FBXW5: variants seen among roughly 807,000 people sequenced by gnomAD.
The protein encoded by FBXW5 is F-box and WD repeat domain containing 5.
In FBXW5, 74 loss-of-function variants were observed where a neutral mutation model predicts 50.9. That is an observed-to-expected ratio of 1.45 (90% CI 1.20 to 1.76). The LOEUF (loss-of-function observed/expected upper bound fraction) is 1.76, where lower values mean the gene tolerates loss of function less well. Ranked by LOEUF, FBXW5 falls within the 40% of genes most tolerant of loss-of-function variation. The probability of loss-of-function intolerance (pLI) is 0.00; values close to 1 mark genes in which losing one functional copy is unlikely to be tolerated. For synonymous variants in FBXW5, 523 were observed against 362.2 expected (o/e 1.44, Z -5.04); for missense variants, 1,073 against 818.8 (o/e 1.31, Z -3.79).
rs989803851 is a variant in FBXW5, at chr9:136,944,515, C to A, written c.-24+79G>T. The stretch of plus-strand genomic sequence containing the variant: ...CGGACGGCGGGGACGAGCGCACGGG[C>A]GGCCTCGGGGCTCCTGCACTCGCCC... On this transcript the variant is annotated intron_variant, in intron 1 of 8. Coordinates refer to ENST00000325285, the MANE Select transcript of FBXW5 (RefSeq NM_018998.4). The A allele has an allele frequency of 8.1e-6, 8 of 984,254 alleles. No individual in the cohort carries two copies. The African/African-American group carries it at 8.8e-5, about 11-fold the overall frequency. 61.0% of individuals were successfully genotyped at this position (984,254 alleles called of 1,614,324 possible).
In FBXW5 at chr9:136,944,060, C is replaced by T. The variant is rs372554571; in HGVS notation, c.24G>A (p.Leu8=). 1.1e-5 allele frequency: 18 copies of T among 1,600,648 alleles called. No individual in the cohort carries two copies. Among genetic ancestry groups the T allele is most frequent in the South Asian group, 9.0e-5 (8 of 89,084 alleles). The change falls in exon 2 of 9, where the codon CTG becomes CTA. Residue 8 remains leucine (L), a synonymous_variant. Coordinates refer to ENST00000325285, the MANE Select transcript of FBXW5 (RefSeq NM_018998.4). MDEGGTP[L]LPDSLVYQIF... ...TCTGGTAGACCAGGCTGTCGGGGAG[C>T]AGGGGCGTGCCGCCCTCGTCCATCG...
chr9:136,942,205 G>T lies in FBXW5; in HGVS notation c.937C>A (p.Arg313=). 1 of 1,593,152 alleles carries T rather than the reference G, an allele frequency of 6.3e-7. No individual in the cohort carries two copies. The highest frequency in any genetic ancestry group is 1.1e-5 in the South Asian group (1 of 88,704). Reference sequence around the variant, plus strand: ...CGCTCCGACAGCTGTGGCTGCGCCCGCCCCTCCAGCACGCGGTCCAGAAAG... The same window carrying T: ...CGCTCCGACAGCTGTGGCTGCGCCCTCCCCTCCAGCACGCGGTCCAGAAAG... ...RHFLDRVLEG[R]AQPQLSERML... The change falls in exon 6 of 9, where the codon CGG becomes AGG. Residue 313 remains arginine (R), a synonymous_variant. Transcript: ENST00000325285.
Position 136,944,270 on chromosome 9 carries a change from G to A in FBXW5, c.-23-164C>T, listed in dbSNP as rs955806026. ...GCCCAACCAAGGACCCGGCAGCTCCGGGCGGGCCGGGCCGGCCCCTCTCCG... is the reference window on the plus strand; with the variant it reads ...GCCCAACCAAGGACCCGGCAGCTCCAGGCGGGCCGGGCCGGCCCCTCTCCG... On this transcript the variant is annotated intron_variant, in intron 1 of 8. Coordinates refer to ENST00000325285, the MANE Select transcript of FBXW5 (RefSeq NM_018998.4). 1.5e-5 allele frequency: 12 copies of A among 807,272 alleles called. No individual in the cohort carries two copies. In the East Asian group the frequency reaches 2.7e-4, roughly 18 times the overall value. The allele number at this position is 807,272 out of a possible 1,614,324, so 50.0% of individuals were successfully genotyped here.
chr9:136,941,943 A>C, intron 6 of FBXW5, 103 bp downstream of exon 6: 2 of 1,456,564 alleles, frequency 1.4e-6, no homozygotes, highest in Non-Finnish European at 9.1e-7. Flanking sequence ...GAACGATCCC[A>C]GCTTTGCCTG....
At position 136,942,294 on chromosome 9, in the gene FBXW5, C is replaced by G. The variant is rs1850806716; in HGVS notation, c.848G>C (p.Gly283Ala). Reference protein sequence around the residue: ...ATSPCRIFDLGSDNEEVVAGP... With the variant: ...ATSPCRIFDLASDNEEVVAGP... ...AGCCACCACCTCCTCGTTGTCGCTG[C>G]CCAGGTCAAAGATGCGGCAGGGGGA... The change falls in exon 6 of 9, where the codon GGC becomes GCC. Residue 283 changes from glycine to alanine, a missense_variant. Coordinates refer to ENST00000325285, the MANE Select transcript of FBXW5 (RefSeq NM_018998.4). The G allele has an allele frequency of 6.3e-7, 1 of 1,592,740 alleles. No homozygotes were observed. Among genetic ancestry groups the G allele is most frequent in the East Asian group, 2.3e-5 (1 of 43,832 alleles).
intron 2 of FBXW5, among the ~76,000 whole-genome samples, 179 bp from the exon 3 acceptor site, chr9:136,943,685 A>AC (rs1180318943): frequency 2.0e-5 from 3 of 151,484 alleles, no homozygotes; most frequent in Non-Finnish European, 2.9e-5. Context: ...TGTACCCCCC[A>AC]CCCCCCAAGT....
chr9:136,944,597 G>GGCCGCCTCCGCCCGCTGC lies in FBXW5; in HGVS notation c.-45_-28dup, dbSNP rs1193570613. The GGCCGCCTCCGCCCGCTGC allele has an allele frequency of 3.7e-5, 36 of 984,318 alleles. No homozygotes were observed. In the Admixed American group the frequency reaches 5.0e-4, roughly 14 times the overall value. The allele number at this position is 984,318 out of a possible 1,614,324, so 61.0% of individuals were successfully genotyped here. On this transcript the variant is annotated 5_prime_UTR_variant, in exon 1 of 9. Coordinates refer to ENST00000325285, the MANE Select transcript of FBXW5 (RefSeq NM_018998.4). Reference sequence around the variant, plus strand: ...CGAGGGCCGCAGGCGCACTCACCACGGCCGCCTCCGCCCGCTGCGCCGCCC... The same window carrying GGCCGCCTCCGCCCGCTGC: ...CGAGGGCCGCAGGCGCACTCACCACGGCCGCCTCCGCCCGCTGCGCCGCCTCCGCCCGCTGCGCCGCCC...
In FBXW5 at chr9:136,941,426, C is replaced by T. The variant is rs755697963; in HGVS notation, c.1282G>A (p.Ala428Thr). ...YVNSRAWPNG[A>T]VVADPMQPPP... ...GGCTGCATGGGGTCGGCCACCACCG[C>T]ACCGTTGGGCCAGGCGCGGCTGTTC... Residue 428 changes from alanine (A) to threonine (T), a missense_variant, in exon 8 of 9, where the codon GCG becomes ACG. Coordinates refer to ENST00000325285, the MANE Select transcript of FBXW5 (RefSeq NM_018998.4). 1.7e-5 allele frequency: 27 copies of T among 1,609,462 alleles called. No individual in the cohort carries two copies. The highest frequency in any genetic ancestry group is 2.2e-5 in the South Asian group (2 of 91,082).
At position 136,944,044 on chromosome 9, in the gene FBXW5, C is replaced by G. The variant is rs1447103823; in HGVS notation, c.40G>C (p.Val14Leu). The G allele has an allele frequency of 1.2e-6, 2 of 1,604,286 alleles. No homozygotes were observed. The highest frequency in any genetic ancestry group is 1.7e-6 in the Non-Finnish European group (2 of 1,176,262). ...CCCAGGCTCAGGAAGATCTGGTAGACCAGGCTGTCGGGGAGCAGGGGCGTG... is the reference window on the plus strand; with the variant it reads ...CCCAGGCTCAGGAAGATCTGGTAGAGCAGGCTGTCGGGGAGCAGGGGCGTG... ...GGTPLLPDSL[V>L]YQIFLSLGPA... Residue 14 changes from valine (V) to leucine (L), a missense_variant, in exon 2 of 9, where the codon GTC (valine) becomes CTC (leucine). By Grantham distance (32) the Val-to-Leu change is conservative. Coordinates refer to ENST00000325285, the MANE Select transcript of FBXW5 (RefSeq NM_018998.4).
rs923006167 is a variant in FBXW5 at position 136,944,640 on chromosome 9, G to A, written c.-70C>T. 1 of 984,840 alleles carries A rather than the reference G, an allele frequency of 1.0e-6. No homozygotes were observed. Among genetic ancestry groups the A allele is most frequent in the Non-Finnish European group, 1.2e-6 (1 of 829,510 alleles). The allele number at this position is 984,840 out of a possible 1,614,324, so 61.0% of individuals were successfully genotyped here. A position where few individuals can be genotyped will look rare whatever the true frequency, so the allele number is the denominator to read the frequency against. On this transcript the variant is annotated 5_prime_UTR_variant, in exon 1 of 9. Transcript: ENST00000325285. Reference sequence around the variant, plus strand: ...CGCCGCCCCCGCCCTGCGCGACCCGGACCCGCTTCCGCTGCCGCAGCCGCT... The same window carrying A: ...CGCCGCCCCCGCCCTGCGCGACCCGAACCCGCTTCCGCTGCCGCAGCCGCT...
chr9:136,944,032 AG>A lies in FBXW5; in HGVS notation c.51del (p.Phe18SerfsTer2), dbSNP rs1342507185. The A allele has an allele frequency of 1.2e-6, 2 of 1,604,450 alleles. No individual in the cohort carries two copies. The highest frequency in any genetic ancestry group is 3.4e-5 in the Admixed American group (2 of 59,268). On this transcript the variant is annotated frameshift_variant, in exon 2 of 9. Transcript: ENST00000325285. LOFTEE classifies it high-confidence loss of function. Reference sequence around the variant, plus strand: ...ACGTCGGCCGGGCCCAGGCTCAGGAAGATCTGGTAGACCAGGCTGTCGGGGA... The same window carrying A: ...ACGTCGGCCGGGCCCAGGCTCAGGAAATCTGGTAGACCAGGCTGTCGGGGA... ...PLLPDSLVYQIFLSLGPADVL... is the reference protein window; with the variant it reads ...PLLPDSLVYQXFLSLGPADVL...
At position 136,941,570 on chromosome 9, in the gene FBXW5, T is replaced by A; in HGVS notation, c.1211A>T (p.His404Leu). ...ALDHVIDIHG[H>L]IIGMGLSPDN... ...GGGCGACAGGCCCATGCCGATGATG[T>A]GTCCGTGTATGTCTATGACGTGGTC... is the stretch of plus-strand genomic sequence containing the variant. Residue 404 changes from histidine to leucine, a missense_variant, in exon 7 of 9, where the codon CAC (histidine) becomes CTC (leucine). Physicochemically the swap from His to Leu is moderately conservative, Grantham distance 99 (BLOSUM62 -3). Coordinates refer to ENST00000325285, the MANE Select transcript of FBXW5 (RefSeq NM_018998.4). The A allele has an allele frequency of 6.2e-7, 1 of 1,609,796 alleles. No individual in the cohort carries two copies.
At chr9:136,944,540 C>G (rs1253993313) in intron 1 of FBXW5, 54 bp downstream of exon 1, 2 of 983,756 alleles carry the variant, frequency 2.0e-6, no homozygotes, top group Non-Finnish European at 2.4e-6. Flanking sequence ...TGCACTCGCC[C>G]AAGGCGGGCG....
At chr9:136,943,610 G>A (rs929560237) in intron 2 of FBXW5, 104 bp from the exon 3 acceptor site, 9 of 1,437,774 alleles carry the variant, frequency 6.3e-6, no homozygotes, top group African/African-American at 1.4e-5. Flanking sequence ...TGGTGCCCCT[G>A]GAACCCACTA....
chr9:136,942,746 G>GTC, intron 4 of FBXW5, 23 bp downstream of exon 4: 1 of 1,611,590 alleles, frequency 6.2e-7, no homozygotes, highest in East Asian at 2.2e-5. Context: ...CGGGGGCAGG[G>GTC]TCAACCCGCC....
In FBXW5 at chr9:136,941,236, C is replaced by T. The variant is rs746105556; in HGVS notation, c.1457+15G>A. ...TGCTGCCCACACCCGCCCTGCACCA[C>T]GCCGCGCCCTGCACCTGGCCACGAA... On this transcript the variant is annotated intron_variant, in intron 8 of 8. Transcript: ENST00000325285. The T allele has an allele frequency of 3.9e-5, 62 of 1,601,678 alleles. 1 individual carries two copies. Among genetic ancestry groups the T allele is most frequent in the South Asian group, 3.9e-4 (35 of 90,620 alleles).
chr9:136,944,373 G>T, intron 1 of FBXW5: 1 of 643,512 alleles, frequency 1.6e-6, no homozygotes, highest in Non-Finnish European at 2.0e-6. Context: ...CGCACGCGAG[G>T]CACGGGGACA....
intron 5 of FBXW5, 31 bp from the exon 6 acceptor site, chr9:136,942,497 C>T (rs544730652): frequency 6.3e-7 from 1 of 1,597,942 alleles, no homozygotes; most frequent in Admixed American, 1.7e-5. Flanking sequence ...CAGGTGGGCG[C>T]CGGGCGCCAG....
rs775883396 is a variant in FBXW5, at chr9:136,943,464, G to T, written c.236C>A (p.Thr79Lys). 1 of 1,612,408 alleles carries T rather than the reference G, an allele frequency of 6.2e-7. No homozygotes were observed. The highest frequency in any genetic ancestry group is 8.5e-7 in the Non-Finnish European group (1 of 1,179,734). The change falls in exon 3 of 9, where the codon ACG (threonine) becomes AAG (lysine). Residue 79 changes from threonine (T) to lysine (K), a missense_variant. Physicochemically the swap from Thr to Lys is moderately conservative, Grantham distance 78. Transcript: ENST00000325285. ...WYEEFQRLYDTVPCVEVQTLR... is the reference protein window; with the variant it reads ...WYEEFQRLYDKVPCVEVQTLR... ...CGTCTGCACCTCCACGCAGGGCACC[G>T]TGTCATACAGCCGCTGGAACTCCTC... is the stretch of plus-strand genomic sequence containing the variant.
Sources: gnomAD v4.1 joint callset for allele counts (sites outside exome capture counted in the v4.1 genomes callset) on GRCh38, gnomAD v4.1.1 for gene constraint, MANE v1.5 for transcripts, NCBI Gene and HGNC (gene_info 2026-07-23, HGNC 2026-07-21) for gene names.